The following ZP3 variants were observed in gnomAD, a reference collection of about 807,000 sequenced individuals.
ZP3 encodes zona pellucida sperm-binding protein 3.
ZP3 carries 21 observed loss-of-function variants against 35.6 expected under a neutral mutation model. The observed-to-expected ratio is 0.59, with a 90% CI of 0.42 to 0.85. ZP3 has a LOEUF of 0.85. Ranked by LOEUF, ZP3 falls within the 40% of genes least tolerant of loss-of-function variation. ZP3 has a pLI of 0.00. For synonymous variants in ZP3, 207 were observed against 214.5 expected (o/e 0.96, Z 0.31); for missense variants, 437 against 536.5 (o/e 0.81, Z 1.83).
intron 1 of ZP3, among the ~76,000 whole-genome samples, chr7:76,413,617 A>G (rs1215514989): frequency 6.6e-6 from 1 of 151,918 alleles, no homozygotes; most frequent in African/African-American, 2.4e-5. Flanking sequence ...TTTTTTTAAA[A>G]AAAAGCCTCA....
intron 1 of ZP3, among the ~76,000 whole-genome samples, chr7:76,399,975 A>G (rs1004351874): frequency 6.6e-6 from 1 of 152,144 alleles, no homozygotes; most frequent in Admixed American, 6.6e-5. Flanking sequence ...GGGACCAAAC[A>G]GTGAGACCTC....
intron 1 of ZP3, among the ~76,000 whole-genome samples, chr7:76,416,794 GTC>G (rs35844856): frequency 0.11 from 14,656 of 135,816 alleles, 1,225 homozygotes; most frequent in East Asian, 0.25. Context: ...GCAGGATGCT[GTC>G]TCTCTCTCTC....
At chr7:76,398,668 T>TGA in intron 1 of ZP3, 7 of 1,563,376 alleles carry the variant, frequency 4.5e-6, no homozygotes, top group Non-Finnish European at 6.2e-6. Context: ...GGGTAGGGTG[T>TGA]GAGAGACTCC....
intron 1 of ZP3, among the ~76,000 whole-genome samples, chr7:76,411,937 A>G (rs1159835728): frequency 6.6e-6 from 1 of 152,142 alleles, no homozygotes; most frequent in Non-Finnish European, 1.5e-5. Context: ...GTGTGCCTGT[A>G]GTCTCAGCTA....
chr7:76,426,301 C>T (rs1156918849), intron 1 of ZP3, among the ~76,000 whole-genome samples: 1 of 152,192 alleles, frequency 6.6e-6, no homozygotes, highest in African/African-American at 2.4e-5. Flanking sequence ...GGCCTTACGG[C>T]AGGGCAGGGC....
intron 1 of ZP3, chr7:76,398,584 T>C (rs113567515): frequency 0.23 from 226,554 of 971,306 alleles, 28,331 homozygotes; most frequent in African/African-American, 0.39. Context: ...GGATTACAGG[T>C]GTGAGCCACC....
chr7:76,435,553 G>A (rs567885714), intron 5 of ZP3, among the ~76,000 whole-genome samples: 4 of 152,246 alleles, frequency 2.6e-5, no homozygotes, highest in Admixed American at 6.5e-5. Flanking sequence ...TCCAGTGCTG[G>A]CTCTATACTA....
At chr7:76,422,583 G>A (rs888905703), upstream of ZP3, among the ~76,000 whole-genome samples, 1 of 151,742 alleles carries the variant, frequency 6.6e-6, no homozygotes, top group Non-Finnish European at 1.5e-5. Context: ...GGAGGCTGAG[G>A]GAGGAGAATT....
intron 1 of ZP3, chr7:76,404,565 G>A: frequency 7.0e-7 from 1 of 1,432,472 alleles, no homozygotes; most frequent in Non-Finnish European, 9.7e-7. Context: ...GCCGAGGTGG[G>A]AGGATTGCTT....
chr7:76,423,025 G>GAGAAAGAA (rs200948956), upstream of ZP3, among the ~76,000 whole-genome samples: 768 of 75,678 alleles, frequency 0.01, 18 homozygotes, highest in Non-Finnish European at 0.014. Flanking sequence ...GAGAGAGAGA[G>GAGAAAGAA]AGAAAGAAAG....
upstream of ZP3, among the ~76,000 whole-genome samples, chr7:76,423,027 GAAAGAAAGAA>G (rs1486919080): frequency 8.5e-3 from 583 of 68,906 alleles, 10 homozygotes; most frequent in African/African-American, 0.019. Flanking sequence ...GAGAGAGAGA[GAAAGAAAGAA>G]AGAAAGAAAG....
upstream of ZP3, chr7:76,424,919 G>A (rs1043421520): frequency 1.5e-5 from 22 of 1,462,378 alleles, no homozygotes; most frequent in African/African-American, 2.8e-5. Flanking sequence ...AGCATCCCAC[G>A]GGTATAAGAT....
At chr7:76,416,812 CTCTCTA>C (rs1805380182) in intron 1 of ZP3, among the ~76,000 whole-genome samples, 2 of 131,938 alleles carry the variant, frequency 1.5e-5, no homozygotes, top group Non-Finnish European at 3.2e-5. Context: ...CTCTCTCTCT[CTCTCTA>C]TATATATATA....
intron 1 of ZP3, chr7:76,400,378 C>T (rs4728712): frequency 0.21 from 330,953 of 1,589,772 alleles, 35,922 homozygotes; most frequent in South Asian, 0.27. Context: ...TTCCTGCCCG[C>T]GGCACTCCAC....
chr7:76,423,318 G>T (rs554488261), upstream of ZP3, among the ~76,000 whole-genome samples: 4 of 152,246 alleles, frequency 2.6e-5, no homozygotes, highest in Admixed American at 6.6e-5. Context: ...GGCAAAGCAT[G>T]GGAATTTACA....
chr7:76,416,356 G>T (rs188562821), intron 1 of ZP3, among the ~76,000 whole-genome samples: 1 of 152,216 alleles, frequency 6.6e-6, no homozygotes. Context: ...TTGAGCCCTG[G>T]AAGTCGAGGC....
intron 5 of ZP3, among the ~76,000 whole-genome samples, chr7:76,439,707 C>G (rs1419208157): frequency 1.3e-5 from 2 of 152,186 alleles, no homozygotes; most frequent in Admixed American, 1.3e-4. Context: ...CTCAGAAGCC[C>G]AGGGTCAAGC....
chr7:76,431,540 A>C (rs528946488), intron 2 of ZP3, among the ~76,000 whole-genome samples: 1 of 152,164 alleles, frequency 6.6e-6, no homozygotes, highest in African/African-American at 2.4e-5. Flanking sequence ...TGGACTTCCC[A>C]GTCACTGGTG....
rs905836418 is a variant in ZP3 at position 76,441,408 on chromosome 7, A to G, written c.1061-434A>G. On this transcript the variant is annotated intron_variant, in intron 7 of 7. Coordinates refer to ENST00000394857, the MANE Select transcript of ZP3 (RefSeq NM_001110354.2). Reference sequence around the variant, plus strand: ...TTTTTCTTCCCCCTCCCCTGCACCAAGATGGTGTCTAGCTCTGTCCTCCAG... The same window carrying G: ...TTTTTCTTCCCCCTCCCCTGCACCAGGATGGTGTCTAGCTCTGTCCTCCAG... Among the ~76,000 whole-genome samples the G allele has an allele frequency of 3.3e-5, 5 of 151,566 alleles. 1 individual carries two copies. Among genetic ancestry groups the G allele is most frequent in the South Asian group, 4.2e-4 (2 of 4,796 alleles).
Sources: gnomAD v4.1 joint callset for allele counts (sites outside exome capture counted in the v4.1 genomes callset) on GRCh38, gnomAD v4.1.1 for gene constraint, MANE v1.5 for transcripts, NCBI Gene and HGNC (gene_info 2026-07-23, HGNC 2026-07-21) for gene names.